The following RPL19 variants were observed in gnomAD, a reference collection of about 807,000 sequenced individuals.
The protein encoded by RPL19 is large ribosomal subunit protein eL19.
RPL19 carries 2 observed loss-of-function variants against 25.1 expected under a neutral mutation model. That is an observed-to-expected ratio of 0.08 (90% CI 0.03 to 0.25). RPL19 has a LOEUF of 0.25. Ranked by LOEUF, RPL19 falls within the 10% of genes least tolerant of loss-of-function variation. The pLI is 1.00. For synonymous variants in RPL19, 89 were observed against 91.2 expected (o/e 0.98, Z 0.14); for missense variants, 123 against 271.8 (o/e 0.45, Z 3.85).
In RPL19 at chr17:39,202,342, A is replaced by G. The variant is rs2046296555; in HGVS notation, c.138A>G (p.Lys46=). The change falls in exon 3 of 6, where the codon AAA becomes AAG. Residue 46 remains lysine, a synonymous_variant. Coordinates refer to ENST00000225430, the MANE Select transcript of RPL19 (RefSeq NM_000981.4). ...NSRQQIRKLI[K]DGLIIRKPVT... ...GTCAGCAGATCCGGAAGCTCATCAA[A>G]GATGGGCTGATCATCCGCAAGCCTG... 1.9e-6 allele frequency: 3 copies of G among 1,613,996 alleles called. No homozygotes were observed. The highest frequency in any genetic ancestry group is 2.5e-6 in the Non-Finnish European group (3 of 1,180,022).
intron 2 of RPL19, among the ~76,000 whole-genome samples, 174 bp downstream of exon 2, chr17:39,201,493 A>T (rs2046289164): frequency 6.6e-6 from 1 of 151,770 alleles, no homozygotes; most frequent in African/African-American, 2.4e-5. Flanking sequence ...CCCAGGCTCA[A>T]GTGATTCTCC....
At chr17:39,203,254 T>G (rs1016113286) in intron 4 of RPL19, 145 bp downstream of exon 4, 4 of 813,050 alleles carry the variant, frequency 4.9e-6, no homozygotes, top group Non-Finnish European at 7.6e-6. Context: ...CGATCTCAGC[T>G]CACTACAACC....
At chr17:39,204,214 G>T in intron 5 of RPL19, 27 bp downstream of exon 5, 1 of 1,373,008 alleles carries the variant, frequency 7.3e-7, no homozygotes, top group South Asian at 1.2e-5. Flanking sequence ...AGTCTTAGGG[G>T]AACATTCTTA....
chr17:39,200,922 C>T (rs184714962), intron 1 of RPL19, among the ~76,000 whole-genome samples: 3 of 152,176 alleles, frequency 2.0e-5, no homozygotes, highest in Non-Finnish European at 2.9e-5. Context: ...ATTCTTTAAA[C>T]GCTGAGTACC....
intron 5 of RPL19, 85 bp from the exon 6 acceptor site, chr17:39,204,440 A>G (rs954911267): frequency 5.3e-6 from 8 of 1,523,218 alleles, no homozygotes; most frequent in South Asian, 3.5e-5. Context: ...ACTAGGCTCA[A>G]AGGGAGAGGT....
intron 1 of RPL19, chr17:39,200,714 T>C (rs545363031): frequency 9.3e-7 from 1 of 1,079,268 alleles, no homozygotes; most frequent in South Asian, 3.7e-5. Flanking sequence ...AAGCCTAGTG[T>C]AGGCCCCAGG....
intron 4 of RPL19, among the ~76,000 whole-genome samples, chr17:39,203,829 A>T (rs923365213): frequency 1.3e-5 from 2 of 152,172 alleles, no homozygotes; most frequent in Non-Finnish European, 2.9e-5. Flanking sequence ...CCTTTCTAAG[A>T]AAGTTTTTCT....
intron 1 of RPL19, chr17:39,200,780 C>T (rs1162789887): frequency 2.0e-5 from 21 of 1,041,462 alleles, no homozygotes; most frequent in Non-Finnish European, 2.4e-5. Context: ...ACTCCTTTGG[C>T]CTCTCATAAA....
At chr17:39,203,167 C>T (rs1006618048) in intron 4 of RPL19, 58 bp downstream of exon 4, 4 of 1,161,434 alleles carry the variant, frequency 3.4e-6, no homozygotes, top group South Asian at 1.4e-5. Flanking sequence ...TAGTTCATTT[C>T]CCAGAGATTT....
intron 2 of RPL19, 80 bp downstream of exon 2, chr17:39,201,399 AC>A: frequency 3.8e-6 from 3 of 781,238 alleles, no homozygotes; most frequent in African/African-American, 1.9e-5. Context: ...AATTGTGTTG[AC>A]TTTTTTTTTT....
At chr17:39,204,285 C>T (rs573474030) in intron 5 of RPL19, 98 bp downstream of exon 5, 9 of 880,760 alleles carry the variant, frequency 1.0e-5, no homozygotes, top group East Asian at 2.5e-5. Flanking sequence ...TTGACTTGCA[C>T]GTAGTCTGTC....
At chr17:39,200,424 G>A in intron 1 of RPL19, 75 bp downstream of exon 1, 2 of 1,416,604 alleles carry the variant, frequency 1.4e-6, no homozygotes, top group Non-Finnish European at 1.9e-6. Flanking sequence ...CCGCAGCTGG[G>A]GTTGGGGGAG....
intron 3 of RPL19, 161 bp from the exon 4 acceptor site, chr17:39,202,828 G>A (rs532260242): frequency 3.3e-5 from 25 of 751,076 alleles, no homozygotes; most frequent in Admixed American, 8.3e-5. Context: ...AAGAACTTAC[G>A]TAGTTGGGAT....
chr17:39,203,741 A>G, intron 4 of RPL19, among the ~76,000 whole-genome samples: 1 of 147,082 alleles, frequency 6.8e-6, no homozygotes, highest in African/African-American at 2.5e-5. Context: ...TCCTGGCCTC[A>G]AGTGATCCGC....
intron 3 of RPL19, 120 bp downstream of exon 3, chr17:39,202,559 G>C: frequency 7.8e-7 from 1 of 1,287,630 alleles, no homozygotes; most frequent in Non-Finnish European, 1.1e-6. Flanking sequence ...GATATTTGAT[G>C]TGTTTTCTGC....
chr17:39,203,168 C>G lies in RPL19; in HGVS notation c.356+59C>G, dbSNP rs113222283. On this transcript the variant is annotated intron_variant, in intron 4 of 5. Transcript: ENST00000225430. ...GCTGCTTTGATGGCTAGTTCATTTC[C>G]CAGAGATTTTTTTTTTTTTTTTTTT... The G allele has an allele frequency of 3.5e-4, 418 of 1,206,972 alleles. 1 individual carries two copies. The African/African-American group carries it at 5.8e-3, about 17-fold the overall frequency. 74.8% of individuals were successfully genotyped at this position (1,206,972 alleles called of 1,614,324 possible). A position where few individuals can be genotyped will look rare whatever the true frequency, so the allele number is the denominator to read the frequency against.
rs143799096 is a variant in RPL19, at chr17:39,203,237, A to G, written c.356+128A>G. 4.1e-6 allele frequency: 4 copies of G among 963,988 alleles called. No individual in the cohort carries two copies. In the African/African-American group the frequency reaches 7.8e-5, roughly 19 times the overall value. 59.7% of individuals were successfully genotyped at this position (963,988 alleles called of 1,614,324 possible). The stretch of plus-strand genomic sequence containing the variant: ...TGCTCTGTCACCCAGGCTGGAGTGC[A>G]GTGGCGCGATCTCAGCTCACTACAA... On this transcript the variant is annotated intron_variant, in intron 4 of 5. Transcript: ENST00000225430.
In RPL19 at chr17:39,201,208, T is replaced by C. The variant is rs2046285801; in HGVS notation, c.6-5T>C. On this transcript the variant is annotated splice_polypyrimidine_tract_variant and splice_region_variant and intron_variant, in intron 1 of 5. Transcript: ENST00000225430. The stretch of plus-strand genomic sequence containing the variant: ...AGAGTCTAATCATGTTTTCTGTGTG[T>C]CTAGTATGCTCAGGCTTCAGAAGAG... The C allele has an allele frequency of 2.5e-6, 4 of 1,598,768 alleles. No homozygotes were observed. The South Asian group carries it at 4.4e-5, about 18-fold the overall frequency.
In RPL19 at chr17:39,201,865, C is replaced by G. The variant is rs143109099; in HGVS notation, c.113-452C>G. 3.3e-5 allele frequency among the ~76,000 whole-genome samples: 5 copies of G among 152,342 alleles called. No homozygotes were observed. The East Asian group carries it at 9.6e-4, about 29-fold the overall frequency. ...GGGATTATCGACGTGAGCCACCACA[C>G]CTAGCCTGGGTTGACTTGTTACAAA... On this transcript the variant is annotated intron_variant, in intron 2 of 5. Coordinates refer to ENST00000225430, the MANE Select transcript of RPL19 (RefSeq NM_000981.4).
Sources: allele counts gnomAD v4.1 joint callset (sites outside exome capture counted in the v4.1 genomes callset), GRCh38; gene constraint gnomAD v4.1.1; transcripts MANE v1.5; gene names NCBI Gene and HGNC (gene_info 2026-07-23, HGNC 2026-07-21).